IL1RAPL2: variants seen among roughly 807,000 people sequenced by gnomAD.
IL1RAPL2 encodes X-linked interleukin-1 receptor accessory protein-like 2.
Under a neutral mutation model 44.1 loss-of-function variants are expected in IL1RAPL2, and 3 were observed. That is an observed-to-expected ratio of 0.07 (90% CI 0.03 to 0.18). The LOEUF (loss-of-function observed/expected upper bound fraction) is 0.18, where lower values mean the gene tolerates loss of function less well. Among genes scored for constraint, IL1RAPL2 ranks in the 10% least tolerant of loss-of-function variants. The pLI is 1.00. For missense variants in IL1RAPL2, 391 were observed against 496.4 expected (o/e 0.79, Z 2.02); for synonymous variants, 181 against 178.8 (o/e 1.01, Z -0.10).
chrX:104,745,702 C>A (rs1932162701), intron 2 of IL1RAPL2, among the ~76,000 whole-genome samples: 1 of 111,427 alleles, frequency 9.0e-6, no homozygotes, highest in African/African-American at 3.3e-5. Context: ...TCAGATTAAG[C>A]AAAATTTTAT....
chrX:105,083,882 G>A (rs904093217), intron 2 of IL1RAPL2, among the ~76,000 whole-genome samples: 4 of 111,714 alleles, frequency 3.6e-5, no homozygotes, highest in Middle Eastern at 4.6e-3. Flanking sequence ...AAAGACCATC[G>A]ACACTATGAA....
At chrX:105,106,344 C>T (rs896995253) in intron 2 of IL1RAPL2, among the ~76,000 whole-genome samples, 14 of 110,589 alleles carry the variant, frequency 1.3e-4, no homozygotes, top group Non-Finnish European at 2.3e-4. Flanking sequence ...CTTTGGAAAC[C>T]GGGCTCTTCC....
At chrX:104,757,747 A>G (rs754703303) in intron 2 of IL1RAPL2, among the ~76,000 whole-genome samples, 1 of 111,734 alleles carries the variant, frequency 8.9e-6, no homozygotes, top group African/African-American at 3.2e-5. Flanking sequence ...ATTTTCTTTA[A>G]TGAAAATGGA....
intron 2 of IL1RAPL2, among the ~76,000 whole-genome samples, chrX:105,010,938 C>T (rs2031037893): frequency 1.8e-5 from 2 of 111,108 alleles, no homozygotes; most frequent in Admixed American, 1.9e-4. Context: ...ATAAGTTATT[C>T]TCCTGCTGAT....
intron 6 of IL1RAPL2, among the ~76,000 whole-genome samples, chrX:105,590,573 T>C (rs914554638): frequency 2.7e-5 from 3 of 111,296 alleles, no homozygotes; most frequent in African/African-American, 9.8e-5. Context: ...GATGAAGCAA[T>C]ATTCATTTTT....
At chrX:104,854,652 A>ATT (rs371393922) in intron 2 of IL1RAPL2, among the ~76,000 whole-genome samples, 2 of 101,004 alleles carry the variant, frequency 2.0e-5, no homozygotes, top group African/African-American at 7.2e-5. Flanking sequence ...AAGAGAAAGA[A>ATT]TTTTTTTTTT....
intron 2 of IL1RAPL2, among the ~76,000 whole-genome samples, chrX:104,907,088 G>A (rs1460387792): frequency 8.7e-4 from 96 of 110,733 alleles, no homozygotes; most frequent in South Asian, 2.3e-3. Flanking sequence ...GTTTATTTGC[G>A]TAGAGGTGTT....
At chrX:105,470,962 G>A (rs1270100152) in intron 5 of IL1RAPL2, among the ~76,000 whole-genome samples, 1 of 111,121 alleles carries the variant, frequency 9.0e-6, no homozygotes, top group African/African-American at 3.3e-5. Context: ...TACCTATTAG[G>A]TTGGTGCGAA....
At chrX:105,271,977 G>A (rs1251504107) in intron 5 of IL1RAPL2, among the ~76,000 whole-genome samples, 15 of 109,648 alleles carry the variant, frequency 1.4e-4, no homozygotes, top group Non-Finnish European at 2.5e-4. Context: ...CAATCATGTC[G>A]TCTGCAAACA....
intron 2 of IL1RAPL2, among the ~76,000 whole-genome samples, chrX:104,713,599 G>A (rs1602692829): frequency 9.3e-6 from 1 of 107,890 alleles, no homozygotes; most frequent in African/African-American, 3.4e-5. Flanking sequence ...CTTTTTATGT[G>A]TATATATATA....
chrX:104,692,458 G>A (rs903831531), intron 2 of IL1RAPL2, among the ~76,000 whole-genome samples: 17 of 109,351 alleles, frequency 1.6e-4, no homozygotes, highest in African/African-American at 4.7e-4. Context: ...CCATTAACTC[G>A]TCATTTAGCA....
intron 6 of IL1RAPL2, among the ~76,000 whole-genome samples, chrX:105,661,905 T>G (rs1036383245): frequency 1.8e-5 from 2 of 112,714 alleles, no homozygotes; most frequent in African/African-American, 6.4e-5. Context: ...GATACGGACT[T>G]ACTTTCAAAG....
At chrX:105,282,183 T>C (rs1410568879) in intron 5 of IL1RAPL2, among the ~76,000 whole-genome samples, 1 of 111,971 alleles carries the variant, frequency 8.9e-6, no homozygotes, top group Non-Finnish European at 1.9e-5. Context: ...AAGGGATGTA[T>C]GAGCCAAGAG....
intron 6 of IL1RAPL2, among the ~76,000 whole-genome samples, chrX:105,603,917 G>A (rs747267373): frequency 9.0e-6 from 1 of 111,088 alleles, no homozygotes; most frequent in African/African-American, 3.3e-5. Flanking sequence ...TAACAACATT[G>A]AGTCAATGAA....
chrX:105,600,215 ATATT>A (rs2037240878), intron 6 of IL1RAPL2, among the ~76,000 whole-genome samples: 1 of 110,657 alleles, frequency 9.0e-6, no homozygotes, highest in Non-Finnish European at 1.9e-5. Context: ...CCCCCCGTTG[ATATT>A]TATTTAGAGT....
rs182243756 is a variant in IL1RAPL2 at position 105,359,562 on chromosome X, C to T, written c.697+92021C>T. The stretch of plus-strand genomic sequence containing the variant: ...CATGAAAACAGTATTAGAGCTGGCA[C>T]TCAAATCCAAGTTTCCTAGCTCTAA... On this transcript the variant is annotated intron_variant, in intron 5 of 10. Coordinates refer to ENST00000372582, the MANE Select transcript of IL1RAPL2 (RefSeq NM_017416.2). Among the ~76,000 whole-genome samples, 163 of 110,809 alleles carry T rather than the reference C, an allele frequency of 1.5e-3. 1 individual carries two copies. Among genetic ancestry groups the T allele is most frequent in the African/African-American group, 5.1e-3 (155 of 30,456 alleles).
intron 5 of IL1RAPL2, among the ~76,000 whole-genome samples, chrX:105,327,565 C>T (rs991352820): frequency 9.0e-6 from 1 of 111,724 alleles, no homozygotes; most frequent in Non-Finnish European, 1.9e-5. Flanking sequence ...TAAATTCTAG[C>T]AGTAAGTTCT....
At chrX:104,602,099 G>A (rs1330954329) in intron 1 of IL1RAPL2, among the ~76,000 whole-genome samples, 1 of 111,798 alleles carries the variant, frequency 8.9e-6, no homozygotes, top group Middle Eastern at 4.2e-3. Context: ...TTGACACAGA[G>A]ACGGGTGATT....
chrX:105,421,366 G>C (rs1261580731), intron 5 of IL1RAPL2, among the ~76,000 whole-genome samples: 1 of 111,765 alleles, frequency 8.9e-6, no homozygotes, highest in Non-Finnish European at 1.9e-5. Flanking sequence ...GCCCTAAGCA[G>C]TTCCCAGTTT....
Sources: allele counts gnomAD v4.1 joint callset (sites outside exome capture counted in the v4.1 genomes callset), GRCh38; gene constraint gnomAD v4.1.1; transcripts MANE v1.5; gene names NCBI Gene and HGNC (gene_info 2026-07-23, HGNC 2026-07-21).